Variants in SAMD5 observed in about 807,000 individuals in gnomAD.
SAMD5 encodes the protein sterile alpha motif domain-containing protein 5.
SAMD5 carries 13 observed loss-of-function variants against 11.3 expected under a neutral mutation model. The observed-to-expected ratio is 1.15, with a 90% CI of 0.75 to 1.83. SAMD5 has a LOEUF of 1.83. Ranked by LOEUF, SAMD5 falls within the 40% of genes most tolerant of loss-of-function variation. The pLI, the probability that SAMD5 is intolerant of heterozygous loss-of-function variation, is 0.00. For missense variants in SAMD5, 255 were observed against 239.1 expected (o/e 1.07, Z -0.44); for synonymous variants, 129 against 111.3 (o/e 1.16, Z -1.00).
the SAMD5 span, among the ~76,000 whole-genome samples, chr6:147,917,935 G>C: frequency 2.6e-5 from 4 of 152,324 alleles, no homozygotes; most frequent in East Asian, 7.7e-4. Context: ...TTGGGTACCA[G>C]TACCATGCTG....
chr6:147,637,752 T>G (rs921580524), intron 1 of SAMD5, among the ~76,000 whole-genome samples: 3 of 152,224 alleles, frequency 2.0e-5, no homozygotes, highest in African/African-American at 7.2e-5. Context: ...TACAGGTTCA[T>G]TCTCACTCTT....
chr6:147,794,664 C>T, the SAMD5 span, among the ~76,000 whole-genome samples: 6 of 152,064 alleles, frequency 3.9e-5, no homozygotes, highest in Middle Eastern at 3.4e-3. Context: ...TTTGATTATT[C>T]GAGTTCATAT....
At chr6:147,766,507 T>C in the SAMD5 span, among the ~76,000 whole-genome samples, 1 of 152,162 alleles carries the variant, frequency 6.6e-6, no homozygotes, top group Non-Finnish European at 1.5e-5. Context: ...TTTGCTAACA[T>C]TGGATAAAAG....
chr6:147,583,873 T>C (rs1583094857), intron 1 of SAMD5, among the ~76,000 whole-genome samples: 1 of 151,700 alleles, frequency 6.6e-6, no homozygotes, highest in East Asian at 1.9e-4. Flanking sequence ...AGAAATTTAT[T>C]AGTAAAAACA....
chr6:147,824,476 A>C, the SAMD5 span, among the ~76,000 whole-genome samples: 2 of 152,174 alleles, frequency 1.3e-5, no homozygotes, highest in Non-Finnish European at 2.9e-5. Flanking sequence ...GCATTTTAAA[A>C]AGTGGATTTT....
intron 1 of SAMD5, among the ~76,000 whole-genome samples, chr6:147,528,684 A>G (rs1267243844): frequency 6.6e-6 from 1 of 152,190 alleles, no homozygotes; most frequent in Non-Finnish European, 1.5e-5. Context: ...AATCCCAGTC[A>G]CATGTGGTAG....
intron 1 of SAMD5, among the ~76,000 whole-genome samples, chr6:147,590,702 C>A (rs1022808970): frequency 6.6e-6 from 1 of 152,120 alleles, no homozygotes; most frequent in Non-Finnish European, 1.5e-5. Flanking sequence ...TGAGCCACTG[C>A]GCCTGGCCTC....
At chr6:147,687,431 C>T (rs1202009366) in intron 1 of SAMD5, among the ~76,000 whole-genome samples, 1 of 151,838 alleles carries the variant, frequency 6.6e-6, no homozygotes, top group Non-Finnish European at 1.5e-5. Flanking sequence ...CATGCGCCAC[C>T]ATACCCAGCT....
intron 1 of SAMD5, among the ~76,000 whole-genome samples, chr6:147,556,100 T>A (rs184597819): frequency 0.013 from 1,921 of 152,086 alleles, 6 homozygotes; most frequent in African/African-American, 0.017. Context: ...TATTATTATT[T>A]TTTTTTTTTT....
At chr6:147,923,725 T>A in the SAMD5 span, among the ~76,000 whole-genome samples, 1 of 152,170 alleles carries the variant, frequency 6.6e-6, no homozygotes, top group Non-Finnish European at 1.5e-5. Context: ...GTTCCAGAAT[T>A]GTACTTGAAG....
intron 1 of SAMD5, among the ~76,000 whole-genome samples, chr6:147,564,081 A>G (rs1788996332): frequency 2.0e-5 from 3 of 150,518 alleles, no homozygotes; most frequent in African/African-American, 4.9e-5. Flanking sequence ...GCAAACTATT[A>G]CAAGGTATAT....
chr6:147,535,919 C>T (rs936823921), intron 1 of SAMD5, among the ~76,000 whole-genome samples: 1 of 152,086 alleles, frequency 6.6e-6, no homozygotes, highest in Non-Finnish European at 1.5e-5. Context: ...TTAATTGGCT[C>T]TGTAAGTCAA....
At chr6:147,755,615 G>C in the SAMD5 span, among the ~76,000 whole-genome samples, 1 of 152,026 alleles carries the variant, frequency 6.6e-6, no homozygotes. Flanking sequence ...AGGCCTGCTT[G>C]GGTCAGTGGT....
chr6:147,728,825 G>T (rs1367479492), intron 1 of SAMD5, among the ~76,000 whole-genome samples: 1 of 152,110 alleles, frequency 6.6e-6, no homozygotes. Flanking sequence ...CTGCATGATG[G>T]TTACAAAGTA....
At chr6:147,736,225 T>C (rs1342629946) in intron 1 of SAMD5, among the ~76,000 whole-genome samples, 1 of 152,348 alleles carries the variant, frequency 6.6e-6, no homozygotes, top group African/African-American at 2.4e-5. Flanking sequence ...TTGCACAGAC[T>C]AAGCGAGTTG....
intron 1 of SAMD5, among the ~76,000 whole-genome samples, chr6:147,693,146 A>G (rs191769038): frequency 1.3e-5 from 2 of 152,342 alleles, no homozygotes; most frequent in Admixed American, 6.5e-5. Flanking sequence ...CTATGAGAGC[A>G]CGAGCACCTG....
At chr6:147,637,095 G>T (rs554189048) in intron 1 of SAMD5, among the ~76,000 whole-genome samples, 1 of 152,194 alleles carries the variant, frequency 6.6e-6, no homozygotes, top group African/African-American at 2.4e-5. Flanking sequence ...AGCTCACATG[G>T]GTTCACACGG....
chr6:147,513,604 C>G lies in SAMD5; in HGVS notation c.459+4217C>G, dbSNP rs189256132. On this transcript the variant is annotated intron_variant, in intron 1 of 1. Coordinates refer to ENST00000367474, the MANE Select transcript of SAMD5 (RefSeq NM_001030060.3). ...CAGTAGAGGGAGGAGCCCTGGGGAA[C>G]AGCAGGATTTCAGAGGCGGCCAGAG... is the stretch of plus-strand genomic sequence containing the variant. Among the ~76,000 whole-genome samples the G allele has an allele frequency of 3.3e-3, 504 of 152,258 alleles. 2 individuals carry two copies. The highest frequency in any genetic ancestry group is 7.5e-3 in the South Asian group (36 of 4,812).
chr6:147,841,086 A>C, the SAMD5 span, among the ~76,000 whole-genome samples: 1 of 152,220 alleles, frequency 6.6e-6, no homozygotes, highest in African/African-American at 2.4e-5. Flanking sequence ...TCTAGGGTGC[A>C]CATATAGCTA....
Sources: allele counts gnomAD v4.1 joint callset (sites outside exome capture counted in the v4.1 genomes callset), GRCh38; gene constraint gnomAD v4.1.1; transcripts MANE v1.5; gene names NCBI Gene and HGNC (gene_info 2026-07-23, HGNC 2026-07-21).